The following WASF1 variants were observed in gnomAD, a reference collection of about 807,000 sequenced individuals.
WASF1 encodes actin-binding protein WASF1.
In WASF1, 7 loss-of-function variants were observed where a neutral mutation model predicts 50.5. The observed-to-expected ratio is 0.14, with a 90% confidence interval of 0.08 to 0.26. The LOEUF is 0.26. Among genes scored for constraint, WASF1 ranks in the 10% least tolerant of loss-of-function variants. The probability of loss-of-function intolerance (pLI) is 1.00; values close to 1 mark genes in which losing one functional copy is unlikely to be tolerated. For synonymous variants in WASF1, 205 were observed against 244.0 expected (o/e 0.84, Z 1.49); for missense variants, 470 against 694.7 (o/e 0.68, Z 3.64).
At chr6:110,120,115 C>T (rs1318896827) in intron 4 of WASF1, among the ~76,000 whole-genome samples, 1 of 152,156 alleles carries the variant, frequency 6.6e-6, no homozygotes, top group Non-Finnish European at 1.5e-5. Context: ...GAAGCACTCC[C>T]TTTGAAAATC....
At chr6:110,172,653 C>A (rs377163147) in intron 2 of WASF1, among the ~76,000 whole-genome samples, 1 of 152,084 alleles carries the variant, frequency 6.6e-6, no homozygotes, top group East Asian at 1.9e-4. Context: ...GAACCAGAGG[C>A]CATTATCCTA....
At chr6:110,118,979 T>G (rs1773950144) in intron 4 of WASF1, among the ~76,000 whole-genome samples, 4 of 152,198 alleles carry the variant, frequency 2.6e-5, no homozygotes, top group Non-Finnish European at 5.9e-5. Context: ...GAAATAAAGA[T>G]GTTCTTTGAA....
chr6:110,175,753 CTCT>C lies in WASF1; in HGVS notation c.-127+2842_-127+2844del, dbSNP rs529273698. Among the ~76,000 whole-genome samples the C allele has an allele frequency of 2.0e-3, 301 of 152,246 alleles. 2 individuals carry two copies. The highest frequency in any genetic ancestry group is 7.0e-3 in the African/African-American group (292 of 41,548). On this transcript the variant is annotated intron_variant, in intron 2 of 10. Coordinates refer to ENST00000392589, the MANE Select transcript of WASF1 (RefSeq NM_003931.3). ...ACTCACTGAACTGAGAAACAGCCTC[CTCT>C]TCAAGTCCACTGGGTGAAAGAGAAC...
At chr6:110,101,510 AAC>A in intron 10 of WASF1, 76 bp downstream of exon 10, 2 of 1,511,928 alleles carry the variant, frequency 1.3e-6, no homozygotes, top group East Asian at 4.6e-5. Context: ...ATAGATAAGG[AAC>A]ACATTTTTGT....
intron 3 of WASF1, among the ~76,000 whole-genome samples, chr6:110,160,342 T>C (rs985912719): frequency 1.4e-4 from 22 of 151,816 alleles, no homozygotes; most frequent in African/African-American, 5.3e-4. Context: ...TTTAGACTGT[T>C]GGTAGTTGGA....
intron 3 of WASF1, among the ~76,000 whole-genome samples, chr6:110,149,856 C>G (rs758543395): frequency 5.3e-5 from 8 of 151,996 alleles, no homozygotes; most frequent in Non-Finnish European, 1.0e-4. Flanking sequence ...CCCTCAGCCC[C>G]CTCCCACCCT....
At chr6:110,154,608 T>A (rs535836337) in intron 3 of WASF1, among the ~76,000 whole-genome samples, 1 of 152,204 alleles carries the variant, frequency 6.6e-6, no homozygotes, top group South Asian at 2.1e-4. Flanking sequence ...ATAAACATTT[T>A]AATAAACATG....
intron 3 of WASF1, among the ~76,000 whole-genome samples, chr6:110,147,193 A>G (rs1228501104): frequency 6.6e-6 from 1 of 152,024 alleles, no homozygotes; most frequent in Non-Finnish European, 1.5e-5. Context: ...TAAAAATACA[A>G]AAATTAGCCG....
intron 6 of WASF1, among the ~76,000 whole-genome samples, chr6:110,107,786 G>T (rs993834760): frequency 6.6e-6 from 1 of 152,112 alleles, no homozygotes; most frequent in Non-Finnish European, 1.5e-5. Context: ...AATAATTCCA[G>T]ATTTTATTCT....
chr6:110,128,033 T>C (rs755649346), intron 3 of WASF1, among the ~76,000 whole-genome samples: 1 of 152,224 alleles, frequency 6.6e-6, no homozygotes, highest in South Asian at 2.1e-4. Flanking sequence ...CAGTAGTCTA[T>C]AAGTAGTTAA....
chr6:110,113,642 C>T (rs1220110071), intron 4 of WASF1, among the ~76,000 whole-genome samples, 182 bp from the exon 5 acceptor site: 7 of 152,018 alleles, frequency 4.6e-5, no homozygotes, highest in Non-Finnish European at 8.8e-5. Flanking sequence ...TTTGGAATTA[C>T]AGTTGACCCT....
intron 2 of WASF1, among the ~76,000 whole-genome samples, chr6:110,165,056 G>A (rs909846969): frequency 5.9e-5 from 9 of 151,526 alleles, no homozygotes; most frequent in African/African-American, 2.2e-4. Flanking sequence ...GGATAAATTG[G>A]CAGAGTACAG....
intron 4 of WASF1, among the ~76,000 whole-genome samples, chr6:110,126,383 TCTTA>T (rs961492782): frequency 1.8e-4 from 28 of 152,202 alleles, no homozygotes; most frequent in Admixed American, 1.5e-3. Flanking sequence ...TTTTATTTAT[TCTTA>T]CTATTTCACA....
chr6:110,164,425 C>T (rs1332015323), intron 2 of WASF1, among the ~76,000 whole-genome samples: 2 of 151,688 alleles, frequency 1.3e-5, no homozygotes, highest in African/African-American at 4.8e-5. Flanking sequence ...AAGAGATACA[C>T]TGACTGCATG....
chr6:110,109,241 A>C (rs1448432938), intron 5 of WASF1, among the ~76,000 whole-genome samples: 3 of 152,058 alleles, frequency 2.0e-5, no homozygotes, highest in Non-Finnish European at 4.4e-5. Context: ...TCTCTTTTTC[A>C]CTTATCTTTT....
At chr6:110,109,380 GA>G (rs1773458263) in intron 5 of WASF1, among the ~76,000 whole-genome samples, 1 of 151,996 alleles carries the variant, frequency 6.6e-6, no homozygotes, top group South Asian at 2.1e-4. Flanking sequence ...CATTTATTTT[GA>G]ACTGTGCAGC....
In WASF1 at chr6:110,108,539, G is replaced by T; in HGVS notation, c.411C>A (p.Leu137=). ...VCEQPPPLNI[L]TPYRDDGKEG... ...ATTAACCTACCTACCTATAAGGAGT[G>T]AGTATATTGAGAGGTGGAGGCTGTT... Residue 137 remains leucine (L), a synonymous_variant, in exon 6 of 11, where the codon CTC becomes CTA. Coordinates refer to ENST00000392589, the MANE Select transcript of WASF1 (RefSeq NM_003931.3). 6.2e-7 allele frequency: 1 copy of T among 1,613,230 alleles called. No homozygotes were observed. The highest frequency in any genetic ancestry group is 1.1e-5 in the South Asian group (1 of 90,902).
At chr6:110,164,703 T>C (rs1466562979) in intron 2 of WASF1, among the ~76,000 whole-genome samples, 1 of 151,688 alleles carries the variant, frequency 6.6e-6, no homozygotes, top group Non-Finnish European at 1.5e-5. Flanking sequence ...CTTTGATATT[T>C]ACCCAAAGAG....
Position 110,102,144 on chromosome 6 carries a change from G to A in WASF1, c.966C>T (p.Pro322=). The A allele has an allele frequency of 6.8e-7, 1 of 1,478,572 alleles. No individual in the cohort carries two copies. Among genetic ancestry groups the A allele is most frequent in the Non-Finnish European group, 9.0e-7 (1 of 1,114,542 alleles). 91.6% of individuals were successfully genotyped at this position (1,478,572 alleles called of 1,614,324 possible). A position where few individuals can be genotyped will look rare whatever the true frequency, so the allele number is the denominator to read the frequency against. The change falls in exon 10 of 11, where the codon CCC becomes CCT. Residue 322 remains proline, a synonymous_variant. Coordinates refer to ENST00000392589, the MANE Select transcript of WASF1 (RefSeq NM_003931.3). ...ATGRTPVFVS[P]TPPPPPPPLP... ...GAGGTGGTGGAGGAGGTGGGGGAGTGGGGCTCACAAACACAGGTGTTCTGC... is the reference window on the plus strand; with the variant it reads ...GAGGTGGTGGAGGAGGTGGGGGAGTAGGGCTCACAAACACAGGTGTTCTGC...
Sources: allele counts gnomAD v4.1 joint callset (sites outside exome capture counted in the v4.1 genomes callset), GRCh38; gene constraint gnomAD v4.1.1; transcripts MANE v1.5; gene names NCBI Gene and HGNC (gene_info 2026-07-23, HGNC 2026-07-21).